BTC: variants seen among roughly 807,000 people sequenced by gnomAD.
BTC encodes probetacellulin.
In BTC, 13 loss-of-function variants were observed where a neutral mutation model predicts 18.1. The ratio of observed to expected loss-of-function variants is 0.72; its 90% CI spans 0.47 to 1.14. The LOEUF is 1.14. Ranked by LOEUF, BTC falls within the 50% of genes most tolerant of loss-of-function variation. The pLI, the probability that BTC is intolerant of heterozygous loss-of-function variation, is 0.00. For synonymous variants in BTC, 83 were observed against 79.4 expected, an observed-to-expected ratio of 1.05 and a Z score of -0.24; for missense variants, 247 against 224.2, an observed-to-expected ratio of 1.10 and a Z score of -0.65.
intron 1 of BTC, among the ~76,000 whole-genome samples, chr4:74,787,009 T>A (rs1368605010): frequency 6.6e-6 from 1 of 151,972 alleles, no homozygotes; most frequent in Non-Finnish European, 1.5e-5. Context: ...TTTTACTGGC[T>A]GGGCATCTTC....
At position 74,748,535 on chromosome 4, in the gene BTC, CAA is replaced by C. The variant is rs113469286; in HGVS notation, c.429-388_429-387del. Among the ~76,000 whole-genome samples the C allele has an allele frequency of 9.8e-4, 136 of 138,726 alleles. 1 individual carries two copies. The highest frequency in any genetic ancestry group is 3.5e-3 in the African/African-American group (134 of 37,748). The allele number at this position is 138,726 out of a possible 152,430, so 91.0% of individuals were successfully genotyped here. On this transcript the variant is annotated intron_variant, in intron 4 of 5. Coordinates refer to ENST00000395743, the MANE Select transcript of BTC (RefSeq NM_001729.4). Reference sequence around the variant, plus strand: ...TGGGCGACAGAGTGAGACTCCGTCACAAAAAAAAAAAATTAGGGTTCTCTCTT... The same window carrying C: ...TGGGCGACAGAGTGAGACTCCGTCACAAAAAAAAAATTAGGGTTCTCTCTT...
chr4:74,766,544 C>T (rs1724907960), intron 2 of BTC, among the ~76,000 whole-genome samples: 2 of 152,012 alleles, frequency 1.3e-5, no homozygotes, highest in Non-Finnish European at 2.9e-5. Context: ...CTAGAAACAA[C>T]CAATCATGAT....
At chr4:74,792,411 A>C (rs986806911) in intron 1 of BTC, among the ~76,000 whole-genome samples, 2 of 152,142 alleles carry the variant, frequency 1.3e-5, no homozygotes, top group Non-Finnish European at 2.9e-5. Flanking sequence ...ACATCACCCT[A>C]ATTTAGGCCC....
chr4:74,751,025 A>T (rs1393499701), intron 3 of BTC, among the ~76,000 whole-genome samples: 1 of 152,208 alleles, frequency 6.6e-6, no homozygotes, highest in African/African-American at 2.4e-5. Flanking sequence ...AAAGGAGGAT[A>T]AAATTCCCAG....
At position 74,745,710 on chromosome 4, in the gene BTC, G is replaced by A. The variant is rs1342014840; in HGVS notation, c.*967C>T. 6.6e-6 allele frequency: 1 copy of A among 152,116 alleles called. No homozygotes were observed. The highest frequency in any genetic ancestry group is 1.5e-5 in the Non-Finnish European group (1 of 68,018). 9.4% of individuals were successfully genotyped at this position (152,116 alleles called of 1,614,324 possible). A position where few individuals can be genotyped will look rare whatever the true frequency, so the allele number is the denominator to read the frequency against. ...AACCGGTCCCTACCTGGTCTCTCCAGTGTTGTCACTGACCATTACTCCCAT... is the reference window on the plus strand; with the variant it reads ...AACCGGTCCCTACCTGGTCTCTCCAATGTTGTCACTGACCATTACTCCCAT... On this transcript the variant is annotated 3_prime_UTR_variant, in exon 6 of 6. Coordinates refer to ENST00000395743, the MANE Select transcript of BTC (RefSeq NM_001729.4).
intron 2 of BTC, among the ~76,000 whole-genome samples, chr4:74,767,544 CTT>C (rs961195708): frequency 1.4e-5 from 2 of 147,846 alleles, no homozygotes; most frequent in Non-Finnish European, 1.5e-5. Flanking sequence ...ATTCCAATGA[CTT>C]TTTTTTTTAC....
At position 74,773,751 on chromosome 4, in the gene BTC, A is replaced by G. The variant is rs111439309; in HGVS notation, c.65-3595T>C. Among the ~76,000 whole-genome samples, 308 of 152,100 alleles carry G rather than the reference A, an allele frequency of 2.0e-3. 1 individual carries two copies. Among genetic ancestry groups the G allele is most frequent in the African/African-American group, 6.9e-3 (288 of 41,466 alleles). The stretch of plus-strand genomic sequence containing the variant: ...CTCAGCCACCCAAGTAGCTGAGATT[A>G]TAGGTGCCTGCCACCATGCCTGGCT... On this transcript the variant is annotated intron_variant, in intron 1 of 5. Coordinates refer to ENST00000395743, the MANE Select transcript of BTC (RefSeq NM_001729.4).
Position 74,794,320 on chromosome 4 carries a change from G to A in BTC, c.6C>T (p.Asp2=). The A allele has an allele frequency of 1.3e-6, 2 of 1,546,886 alleles. No homozygotes were observed. Among genetic ancestry groups the A allele is most frequent in the Non-Finnish European group, 1.7e-6 (2 of 1,145,904 alleles). M[D]RAARCSGASS... is the part of the protein sequence containing the mutation. ...TGGCGCCGCTGCACCGGGCGGCCCG[G>A]TCCATCAACCCCGCTCTGCCGGGCC... Residue 2 remains aspartate, a synonymous_variant, in exon 1 of 6, where the codon GAC becomes GAT. Coordinates refer to ENST00000395743, the MANE Select transcript of BTC (RefSeq NM_001729.4).
chr4:74,769,711 A>T (rs1353358341), intron 2 of BTC, among the ~76,000 whole-genome samples: 1 of 152,184 alleles, frequency 6.6e-6, no homozygotes, highest in African/African-American at 2.4e-5. Context: ...CCAGTCCAAG[A>T]CATCACATGC....
intron 3 of BTC, 57 bp downstream of exon 3, chr4:74,755,802 C>T: frequency 4.7e-6 from 7 of 1,501,628 alleles, no homozygotes; most frequent in Non-Finnish European, 6.5e-6. Flanking sequence ...CCTGGCAAGA[C>T]CCAGGCGGGC....
intron 4 of BTC, among the ~76,000 whole-genome samples, chr4:74,750,221 A>G (rs1553956000): frequency 6.6e-6 from 1 of 152,222 alleles, no homozygotes; most frequent in Admixed American, 6.5e-5. Flanking sequence ...ACAAAGTAAC[A>G]TGGTTTACAC....
intron 2 of BTC, among the ~76,000 whole-genome samples, chr4:74,767,813 T>C (rs188175284): frequency 6.6e-6 from 1 of 152,240 alleles, no homozygotes; most frequent in African/African-American, 2.4e-5. Flanking sequence ...GAATAAATGA[T>C]GTTTGAAAAC....
chr4:74,771,881 T>A (rs897131834), intron 1 of BTC, among the ~76,000 whole-genome samples: 4 of 152,172 alleles, frequency 2.6e-5, no homozygotes, highest in African/African-American at 9.7e-5. Context: ...CAAAATGGCA[T>A]GAGTTTAAAA....
At chr4:74,766,606 T>C (rs1175241375) in intron 2 of BTC, among the ~76,000 whole-genome samples, 2 of 151,952 alleles carry the variant, frequency 1.3e-5, no homozygotes, top group Non-Finnish European at 2.9e-5. Flanking sequence ...AATAAGGAAA[T>C]TGGTCATAAT....
At chr4:74,748,572 C>A (rs782252717) in intron 4 of BTC, among the ~76,000 whole-genome samples, 1 of 152,106 alleles carries the variant, frequency 6.6e-6, no homozygotes, top group East Asian at 1.9e-4. Context: ...TAACCCATCT[C>A]TTTCTCTAGG....
At chr4:74,781,384 CGTGTGT>C (rs139134613) in intron 1 of BTC, among the ~76,000 whole-genome samples, 26 of 126,528 alleles carry the variant, frequency 2.1e-4, no homozygotes, top group South Asian at 1.1e-3. Context: ...TCTCTCGTCA[CGTGTGT>C]GTGTGTGTGT....
At position 74,745,772 on chromosome 4, in the gene BTC, A is replaced by T. The variant is rs1724272431; in HGVS notation, c.*905T>A. The T allele has an allele frequency of 6.6e-6, 1 of 152,312 alleles. No individual in the cohort carries two copies. Among genetic ancestry groups the T allele is most frequent in the East Asian group, 1.9e-4 (1 of 5,186 alleles). The allele number at this position is 152,312 out of a possible 1,614,324, so 9.4% of individuals were successfully genotyped here. On this transcript the variant is annotated 3_prime_UTR_variant, in exon 6 of 6. Transcript: ENST00000395743. ...CTTTCAGTAATATTATTTATATTTT[A>T]TTGAGCATAAACACTTACCCAGGGC...
chr4:74,778,899 A>G (rs927544246), intron 1 of BTC, among the ~76,000 whole-genome samples: 3 of 152,158 alleles, frequency 2.0e-5, no homozygotes, highest in African/African-American at 7.2e-5. Context: ...GGGCATCAGG[A>G]CATCTCCTGG....
chr4:74,756,297 CA>C (rs1553956703), intron 2 of BTC, among the ~76,000 whole-genome samples: 1 of 152,100 alleles, frequency 6.6e-6, no homozygotes, highest in Non-Finnish European at 1.5e-5. Flanking sequence ...TGAAAGTTAT[CA>C]GAGCCACACT....
Sources: allele counts gnomAD v4.1 joint callset (sites outside exome capture counted in the v4.1 genomes callset), GRCh38; gene constraint gnomAD v4.1.1; transcripts MANE v1.5; gene names NCBI Gene and HGNC (gene_info 2026-07-23, HGNC 2026-07-21).